The following CTNNA2 variants were observed in gnomAD, a reference collection of about 807,000 sequenced individuals.
CTNNA2 encodes catenin alpha-2.
In CTNNA2, 42 loss-of-function variants were observed where a neutral mutation model predicts 101.0. The observed-to-expected ratio is 0.42, with a 90% CI of 0.32 to 0.54. The LOEUF (loss-of-function observed/expected upper bound fraction) is 0.54. CTNNA2 is among the 20% of genes least tolerant of loss of function. The pLI, the probability that CTNNA2 is intolerant of heterozygous loss-of-function variation, is 0.14. For synonymous variants in CTNNA2, 450 were observed against 456.4 expected, an observed-to-expected ratio of 0.99 and a Z score of 0.18; for missense variants, 871 against 1,223.1, an observed-to-expected ratio of 0.71 and a Z score of 4.29.
At chr2:80,141,585 G>A (rs1703013693) in intron 7 of CTNNA2, among the ~76,000 whole-genome samples, 1 of 152,086 alleles carries the variant, frequency 6.6e-6, no homozygotes, top group South Asian at 2.1e-4. Flanking sequence ...CTGTAGGTTT[G>A]GGGCAGACAA....
At chr2:80,018,695 C>T (rs970954488) in intron 7 of CTNNA2, among the ~76,000 whole-genome samples, 14 of 150,282 alleles carry the variant, frequency 9.3e-5, no homozygotes, top group Admixed American at 6.7e-4. Context: ...GCAGGAGAAT[C>T]GTTTGAACCC....
chr2:80,280,339 C>T (rs1400126821), intron 7 of CTNNA2, among the ~76,000 whole-genome samples: 1 of 150,852 alleles, frequency 6.6e-6, no homozygotes, highest in Non-Finnish European at 1.5e-5. Context: ...GACCCACTTC[C>T]CTGGGGACGT....
chr2:80,101,326 G>A (rs1342589690), intron 7 of CTNNA2, among the ~76,000 whole-genome samples: 1 of 152,172 alleles, frequency 6.6e-6, no homozygotes, highest in Non-Finnish European at 1.5e-5. Flanking sequence ...AGTTCTGTAA[G>A]AGCCAAATTG....
At chr2:79,236,711 C>T (rs994926788) in intron 2 of CTNNA2, among the ~76,000 whole-genome samples, 2 of 152,206 alleles carry the variant, frequency 1.3e-5, no homozygotes, top group African/African-American at 4.8e-5. Flanking sequence ...ACAATGTTCA[C>T]AGCATCTTCA....
intron 1 of CTNNA2, among the ~76,000 whole-genome samples, chr2:79,195,568 G>A (rs1014603295): frequency 2.6e-5 from 4 of 152,154 alleles, no homozygotes; most frequent in African/African-American, 7.2e-5. Context: ...TTTGCTGCCT[G>A]CTTCAGACCA....
At chr2:79,203,174 G>T (rs186733998) in intron 2 of CTNNA2, among the ~76,000 whole-genome samples, 1 of 152,100 alleles carries the variant, frequency 6.6e-6, no homozygotes, top group Non-Finnish European at 1.5e-5. Context: ...GGGGTTGCAT[G>T]TTTTCTCCTC....
intron 1 of CTNNA2, among the ~76,000 whole-genome samples, chr2:79,629,762 G>A (rs1220076691): frequency 6.6e-6 from 1 of 152,176 alleles, no homozygotes; most frequent in Non-Finnish European, 1.5e-5. Flanking sequence ...GCAGCTGTCT[G>A]TATGGGTATA....
intron 7 of CTNNA2, among the ~76,000 whole-genome samples, chr2:80,100,554 T>C (rs2148840406): frequency 6.6e-6 from 1 of 152,312 alleles, no homozygotes; most frequent in Middle Eastern, 3.4e-3. Flanking sequence ...TCTGAAATCC[T>C]CCTAGTCAAT....
intron 2 of CTNNA2, among the ~76,000 whole-genome samples, chr2:79,245,587 C>T (rs1220008924): frequency 6.6e-6 from 1 of 152,234 alleles, no homozygotes; most frequent in Non-Finnish European, 1.5e-5. Context: ...CATGCAAGGA[C>T]TCACTTTAGC....
chr2:80,065,508 A>C (rs1697923265), intron 7 of CTNNA2, among the ~76,000 whole-genome samples: 1 of 151,714 alleles, frequency 6.6e-6, no homozygotes, highest in Non-Finnish European at 1.5e-5. Context: ...TGCGTGCCAC[A>C]ACACCTAGCT....
At chr2:80,427,343 A>T (rs1334500757) in intron 9 of CTNNA2, among the ~76,000 whole-genome samples, 1 of 152,236 alleles carries the variant, frequency 6.6e-6, no homozygotes, top group African/African-American at 2.4e-5. Context: ...TATTTGTACC[A>T]AGTAGAAAAC....
chr2:80,567,106 C>G (rs1221893658), intron 12 of CTNNA2, among the ~76,000 whole-genome samples: 1 of 152,106 alleles, frequency 6.6e-6, no homozygotes, highest in Non-Finnish European at 1.5e-5. Context: ...CGTATAGATC[C>G]ATTTGCCTAG....
intron 3 of CTNNA2, among the ~76,000 whole-genome samples, chr2:79,766,916 C>T (rs1673206719): frequency 6.6e-6 from 1 of 151,912 alleles, no homozygotes; most frequent in Non-Finnish European, 1.5e-5. Flanking sequence ...CCACCATGCC[C>T]AGCTATTCTT....
At chr2:80,561,827 A>ATTTTTTTTT (rs368503035) in intron 12 of CTNNA2, among the ~76,000 whole-genome samples, 3 of 123,576 alleles carry the variant, frequency 2.4e-5, no homozygotes, top group African/African-American at 3.0e-5. Context: ...CGCCTGGCTA[A>ATTTTTTTTT]TTTTTTTTTT....
At chr2:79,815,758 A>G (rs1012069046) in intron 3 of CTNNA2, among the ~76,000 whole-genome samples, 1 of 149,074 alleles carries the variant, frequency 6.7e-6, no homozygotes, top group Non-Finnish European at 1.5e-5. Context: ...TTTTGGTTCC[A>G]TATGAATTTT....
chr2:80,583,595 C>T (rs894793421), intron 14 of CTNNA2, among the ~76,000 whole-genome samples: 2 of 152,170 alleles, frequency 1.3e-5, no homozygotes, highest in Admixed American at 6.6e-5. Flanking sequence ...AGTATACATA[C>T]AGCCTAGTAT....
At chr2:79,791,203 T>A (rs189345931) in intron 3 of CTNNA2, among the ~76,000 whole-genome samples, 34 of 152,286 alleles carry the variant, frequency 2.2e-4, no homozygotes, top group South Asian at 6.2e-4. Context: ...CAAGATCTGT[T>A]CAATGGTTGT....
chr2:79,757,511 A>C (rs1336944438), intron 3 of CTNNA2, among the ~76,000 whole-genome samples: 1 of 152,230 alleles, frequency 6.6e-6, no homozygotes, highest in African/African-American at 2.4e-5. Flanking sequence ...TGTTTCACAG[A>C]AAACATTTAA....
intron 7 of CTNNA2, among the ~76,000 whole-genome samples, chr2:79,982,368 TATATATAAC>T (rs1213694805): frequency 0.018 from 2,017 of 112,976 alleles, 46 homozygotes; most frequent in African/African-American, 0.047. Context: ...CTATATAACA[TATATATAAC>T]ATATATAACA....
Sources: allele counts gnomAD v4.1 joint callset (sites outside exome capture counted in the v4.1 genomes callset), GRCh38; gene constraint gnomAD v4.1.1; transcripts MANE v1.5; gene names NCBI Gene and HGNC (gene_info 2026-07-23, HGNC 2026-07-21).